CDK12: variants seen among roughly 807,000 people sequenced by gnomAD.
CDK12 encodes cyclin dependent kinase 12, also known as cyclin-dependent kinase 12.
CDK12 carries 17 observed loss-of-function variants against 133.8 expected under a neutral mutation model. The ratio of observed to expected loss-of-function variants is 0.13; its 90% CI spans 0.09 to 0.19. CDK12 has a LOEUF of 0.19. CDK12 is among the 10% of genes least tolerant of loss of function. The pLI is 1.00. For missense variants in CDK12, 1,508 were observed against 1,818.7 expected, an observed-to-expected ratio of 0.83 and a Z score of 3.11; for synonymous variants, 694 against 683.6, an observed-to-expected ratio of 1.02 and a Z score of -0.24.
At chr17:39,498,772 A>T (rs974970445) in intron 5 of CDK12, among the ~76,000 whole-genome samples, 5 of 150,420 alleles carry the variant, frequency 3.3e-5, no homozygotes, top group Non-Finnish European at 5.9e-5. Flanking sequence ...CAATCCTCTC[A>T]CCTCAGCCCC....
intron 10 of CDK12, among the ~76,000 whole-genome samples, chr17:39,519,060 C>T (rs982283192): frequency 3.3e-5 from 5 of 150,558 alleles, no homozygotes; most frequent in Non-Finnish European, 7.4e-5. Context: ...TGCCACCACA[C>T]CCAGCTAATT....
rs533512272 is a variant in CDK12, at chr17:39,531,372, T to C, written c.*56T>C. On this transcript the variant is annotated 3_prime_UTR_variant, in exon 14 of 14. Transcript: ENST00000447079. ...TTTCCTATCCATCCTTCCATCCAGT[T>C]CTCTGAATCTTTAATGAAATCATTT... 1.6e-5 allele frequency: 22 copies of C among 1,356,438 alleles called. No individual in the cohort carries two copies. In the East Asian group the frequency reaches 5.6e-4, roughly 35 times the overall value. The allele number at this position is 1,356,438 out of a possible 1,614,324, so 84.0% of individuals were successfully genotyped here.
chr17:39,498,971 CTT>C (rs1422624344), intron 5 of CDK12, among the ~76,000 whole-genome samples: 1 of 2 alleles, frequency 0.5, no homozygotes, highest in African/African-American at 0.5. Context: ...TTCTTTCTTT[CTT>C]TCTTTCTTTC....
intron 13 of CDK12, among the ~76,000 whole-genome samples, chr17:39,527,783 G>A (rs375531052): frequency 3.5e-4 from 53 of 152,304 alleles, no homozygotes; most frequent in African/African-American, 1.2e-3. Context: ...CCAGCCTCAG[G>A]TGATCTGCCC....
downstream of CDK12, among the ~76,000 whole-genome samples, chr17:39,537,914 A>C (rs1464018126): frequency 6.6e-6 from 1 of 152,116 alleles, no homozygotes; most frequent in Non-Finnish European, 1.5e-5. Flanking sequence ...AGGAAAAATT[A>C]TGGTTGAGTT....
At chr17:39,536,806 C>G (rs2055153849), downstream of CDK12, among the ~76,000 whole-genome samples, 2 of 152,188 alleles carry the variant, frequency 1.3e-5, no homozygotes, top group African/African-American at 4.8e-5. Context: ...CTGAGTTTGT[C>G]TTTCATACCC....
chr17:39,527,899 A>C (rs2054587704), intron 13 of CDK12, among the ~76,000 whole-genome samples: 1 of 151,190 alleles, frequency 6.6e-6, no homozygotes, highest in South Asian at 2.1e-4. Flanking sequence ...ATTGTTGTCA[A>C]TCCTGAAAGT....
chr17:39,500,238 G>T (rs1037450706), intron 5 of CDK12, among the ~76,000 whole-genome samples: 2 of 152,150 alleles, frequency 1.3e-5, no homozygotes, highest in African/African-American at 4.8e-5. Context: ...GGCTGAGGCG[G>T]AAGATTCGCT....
At chr17:39,544,098 G>T, upstream of CDK12, 1 of 420,656 alleles carries the variant, frequency 2.4e-6, no homozygotes, top group Non-Finnish European at 4.8e-6. Flanking sequence ...AATCCTTCTG[G>T]GGAATTCAGG....
At chr17:39,508,029 T>A (rs1290659488) in intron 6 of CDK12, among the ~76,000 whole-genome samples, 1 of 152,168 alleles carries the variant, frequency 6.6e-6, no homozygotes, top group Non-Finnish European at 1.5e-5. Flanking sequence ...ACATGTTGAG[T>A]ATCCCCTGTG....
rs1325562463 is a variant in CDK12 at position 39,471,644 on chromosome 17, T to C, written c.1812T>C (p.Pro604=). The change falls in exon 2 of 14, where the codon CCT becomes CCC. Residue 604 remains proline, a synonymous_variant. Coordinates refer to ENST00000447079, the MANE Select transcript of CDK12 (RefSeq NM_016507.4). ...AVSSQANSQP[P]VQVSVKTQVS... ...CCTCTCAGGCAAATTCTCAGCCCCC[T>C]GTACAGGTTTCTGTGAAGACTCAAG... 6.2e-7 allele frequency: 1 copy of C among 1,614,174 alleles called. No individual in the cohort carries two copies. Among genetic ancestry groups the C allele is most frequent in the Non-Finnish European group, 8.5e-7 (1 of 1,180,020 alleles).
chr17:39,542,147 A>G (rs1019044065), intron 1 of CDK12, among the ~76,000 whole-genome samples: 8 of 90,288 alleles, frequency 8.9e-5, no homozygotes, highest in African/African-American at 1.9e-4. Context: ...GAAATTATAT[A>G]TACATATATA....
At chr17:39,488,383 AC>A (rs1266228951) in intron 2 of CDK12, among the ~76,000 whole-genome samples, 1 of 151,920 alleles carries the variant, frequency 6.6e-6, no homozygotes, top group Non-Finnish European at 1.5e-5. Flanking sequence ...AGTTGCTTGG[AC>A]CCTTTTTCTT....
chr17:39,554,690 C>T (rs1426166211), intron 2 of CDK12, among the ~76,000 whole-genome samples: 1 of 151,448 alleles, frequency 6.6e-6, no homozygotes, highest in African/African-American at 2.4e-5. Flanking sequence ...ACCCTCCTGA[C>T]CAACATGGTG....
At chr17:39,524,172 G>GGAAA (rs1235042869) in intron 11 of CDK12, among the ~76,000 whole-genome samples, 1 of 152,130 alleles carries the variant, frequency 6.6e-6, no homozygotes, top group Non-Finnish European at 1.5e-5. Flanking sequence ...GGCAGAAAGG[G>GGAAA]GAAAGAACTA....
At chr17:39,463,783 A>G (rs1162487431) in intron 1 of CDK12, among the ~76,000 whole-genome samples, 1 of 151,648 alleles carries the variant, frequency 6.6e-6, no homozygotes, top group Non-Finnish European at 1.5e-5. Context: ...ACCGCTGACA[A>G]TTTTCAAAAT....
chr17:39,492,084 A>T (rs1598030712), intron 3 of CDK12, among the ~76,000 whole-genome samples: 2 of 140,376 alleles, frequency 1.4e-5, no homozygotes, highest in African/African-American at 2.6e-5. Flanking sequence ...CTTTGACTCG[A>T]TTTCATTTTC....
rs71147345 is a variant in CDK12 at position 39,482,599 on chromosome 17, A to ATTTTTTTTTTTTTTTTTTT, written c.1932-7955_1932-7937dup. 4.0e-4 allele frequency among the ~76,000 whole-genome samples: 30 copies of ATTTTTTTTTTTTTTTTTTT among 74,422 alleles called. 12 individuals carry two copies. The highest frequency in any genetic ancestry group is 9.9e-4 in the East Asian group (2 of 2,018). The allele number at this position is 74,422 out of a possible 152,430, so 48.8% of individuals were successfully genotyped here. The stretch of plus-strand genomic sequence containing the variant: ...GCTGCCAAAGTGAACAATCAACTAC[A>ATTTTTTTTTTTTTTTTTTT]TTTTTTTTTTTTTTTTTTTTTGAGG... On this transcript the variant is annotated intron_variant, in intron 2 of 13. Transcript: ENST00000447079.
At chr17:39,511,760 A>T in intron 8 of CDK12, 130 bp downstream of exon 8, 2 of 453,272 alleles carry the variant, frequency 4.4e-6, no homozygotes, top group South Asian at 1.4e-4. Flanking sequence ...TTTTGGCCAG[A>T]TTTCCGGGAA....
Sources: allele counts gnomAD v4.1 joint callset (sites outside exome capture counted in the v4.1 genomes callset), GRCh38; gene constraint gnomAD v4.1.1; transcripts MANE v1.5; gene names NCBI Gene and HGNC (gene_info 2026-07-23, HGNC 2026-07-21).